The following SLC4A4 variants were observed in gnomAD, a reference collection of about 807,000 sequenced individuals.
The protein encoded by SLC4A4 is electrogenic sodium bicarbonate cotransporter 1.
A neutral mutation model predicts 111.5 loss-of-function variants in SLC4A4; 27 were observed. That is an observed-to-expected ratio of 0.24 (90% confidence interval 0.18 to 0.33). The LOEUF is 0.33. Among genes scored for constraint, SLC4A4 ranks in the 10% least tolerant of loss-of-function variants. The pLI is 1.00. For synonymous variants in SLC4A4, 443 were observed against 463.4 expected, an observed-to-expected ratio of 0.96 and a Z score of 0.57; for missense variants, 909 against 1,315.5, an observed-to-expected ratio of 0.69 and a Z score of 4.78.
chr4:71,437,079 C>T lies in SLC4A4; in HGVS notation c.808-3537C>T, dbSNP rs147010936. On this transcript the variant is annotated intron_variant, in intron 7 of 25. Coordinates refer to ENST00000264485, the MANE Select transcript of SLC4A4 (RefSeq NM_001098484.3). Reference sequence around the variant, plus strand: ...TAACTATCTCATAGCCACAGGCAATCACTTCTTTGTGGACTTTTTCCCACT... The same window carrying T: ...TAACTATCTCATAGCCACAGGCAATTACTTCTTTGTGGACTTTTTCCCACT... 1.4e-5 allele frequency: 6 copies of T among 428,626 alleles called. No homozygotes were observed. In the East Asian group the frequency reaches 4.1e-4, roughly 29 times the overall value. 26.6% of individuals were successfully genotyped at this position (428,626 alleles called of 1,614,324 possible). A position where few individuals can be genotyped will look rare whatever the true frequency, so the allele number is the denominator to read the frequency against.
chr4:71,404,982 T>C (rs1408750026), intron 7 of SLC4A4, among the ~76,000 whole-genome samples: 1 of 151,556 alleles, frequency 6.6e-6, no homozygotes, highest in African/African-American at 2.4e-5. Context: ...TGTGTATATA[T>C]ATATAATTTT....
At chr4:71,281,310 A>G (rs79867735) in intron 3 of SLC4A4, among the ~76,000 whole-genome samples, 5,777 of 152,290 alleles carry the variant, frequency 0.038, 156 homozygotes, top group East Asian at 0.12. Context: ...ATTTAATACA[A>G]TGCTGAACAA....
In SLC4A4 at chr4:71,571,017, G is replaced by C. The variant is rs925403973; in HGVS notation, c.*3266G>C. On this transcript the variant is annotated 3_prime_UTR_variant, in exon 26 of 26. Transcript: ENST00000264485. ...AGAGGAGGAAAAACAGTTGTCTGCTGTCTGTAATTCAGTTTGCGTGTATTT... is the reference window on the plus strand; with the variant it reads ...AGAGGAGGAAAAACAGTTGTCTGCTCTCTGTAATTCAGTTTGCGTGTATTT... 4 of 152,110 alleles carry C rather than the reference G, an allele frequency of 2.6e-5. No homozygotes were observed. The highest frequency in any genetic ancestry group is 2.4e-5 in the African/African-American group (1 of 41,366). 9.4% of individuals were successfully genotyped at this position (152,110 alleles called of 1,614,324 possible). A position where few individuals can be genotyped will look rare whatever the true frequency, so the allele number is the denominator to read the frequency against.
intron 23 of SLC4A4, among the ~76,000 whole-genome samples, chr4:71,561,682 A>G (rs16846599): frequency 0.042 from 6,316 of 151,916 alleles, 278 homozygotes; most frequent in East Asian, 0.21. Context: ...TCCAATGATG[A>G]CAGAAAAAGA....
intron 1 of SLC4A4, among the ~76,000 whole-genome samples, chr4:71,086,483 A>G (rs1322966451): frequency 4.6e-5 from 7 of 152,012 alleles, no homozygotes; most frequent in Non-Finnish European, 7.3e-5. Flanking sequence ...GTCTTGTGCC[A>G]GTTTTCAAAG....
intron 2 of SLC4A4, among the ~76,000 whole-genome samples, chr4:71,135,516 G>A (rs1375260896): frequency 2.6e-5 from 4 of 151,920 alleles, no homozygotes; most frequent in South Asian, 2.1e-4. Context: ...GGCTTCTCTC[G>A]AACTCCTGAC....
At chr4:71,528,585 A>G (rs966704297) in intron 16 of SLC4A4, among the ~76,000 whole-genome samples, 1 of 152,120 alleles carries the variant, frequency 6.6e-6, no homozygotes. Context: ...TTATATAGAC[A>G]TTGATATAGT....
intron 3 of SLC4A4, among the ~76,000 whole-genome samples, chr4:71,270,796 A>G (rs1025362428): frequency 6.6e-6 from 1 of 152,162 alleles, no homozygotes; most frequent in Non-Finnish European, 1.5e-5. Context: ...CTTTCCTTGC[A>G]TGGACCTGGT....
intron 2 of SLC4A4, among the ~76,000 whole-genome samples, chr4:71,142,952 ATTAT>A (rs1227850899): frequency 6.6e-6 from 1 of 150,916 alleles, no homozygotes; most frequent in Non-Finnish European, 1.5e-5. Context: ...CCTTTTTATT[ATTAT>A]TATTATTATA....
intron 7 of SLC4A4, among the ~76,000 whole-genome samples, chr4:71,432,394 C>T (rs1723715998): frequency 6.6e-6 from 1 of 152,122 alleles, no homozygotes; most frequent in South Asian, 2.1e-4. Context: ...CCACACTCTG[C>T]TCTGTGTTAT....
intron 2 of SLC4A4, among the ~76,000 whole-genome samples, chr4:71,152,340 A>G (rs1744331872): frequency 6.6e-6 from 1 of 152,112 alleles, no homozygotes; most frequent in Non-Finnish European, 1.5e-5. Flanking sequence ...AACTTTACAT[A>G]TGTGGAATCA....
At chr4:71,507,424 A>T (rs1322604452) in intron 16 of SLC4A4, among the ~76,000 whole-genome samples, 1 of 152,146 alleles carries the variant, frequency 6.6e-6, no homozygotes, top group East Asian at 1.9e-4. Context: ...TGGAAAACAG[A>T]AAAAAAGCTT....
At chr4:71,069,408 T>G (rs1282946433) in intron 1 of SLC4A4, among the ~76,000 whole-genome samples, 3 of 152,132 alleles carry the variant, frequency 2.0e-5, no homozygotes, top group Non-Finnish European at 4.4e-5. Context: ...CCAAACAGAC[T>G]TGAAAGACGA....
At chr4:71,149,343 A>G (rs1211044444) in intron 2 of SLC4A4, among the ~76,000 whole-genome samples, 1 of 152,152 alleles carries the variant, frequency 6.6e-6, no homozygotes. Flanking sequence ...CCTCCAAATG[A>G]TAGTCTTTTT....
At chr4:71,076,912 C>T (rs1244867399) in intron 1 of SLC4A4, among the ~76,000 whole-genome samples, 1 of 151,748 alleles carries the variant, frequency 6.6e-6, no homozygotes, top group Non-Finnish European at 1.5e-5. Flanking sequence ...ATTGCCTGAG[C>T]CTGGGAGGCA....
chr4:71,215,041 T>C (rs1389021711), intron 1 of SLC4A4, among the ~76,000 whole-genome samples: 2 of 152,252 alleles, frequency 1.3e-5, no homozygotes, highest in East Asian at 3.8e-4. Context: ...ATGTTACTTA[T>C]CTTATTAGCA....
chr4:71,564,771 T>C (rs977140511), intron 24 of SLC4A4, among the ~76,000 whole-genome samples: 3 of 151,938 alleles, frequency 2.0e-5, no homozygotes, highest in Non-Finnish European at 4.4e-5. Context: ...GTTACTGCTA[T>C]CAAGAAAAGT....
chr4:71,203,368 G>A (rs1158054170), intron 1 of SLC4A4, among the ~76,000 whole-genome samples: 1 of 152,116 alleles, frequency 6.6e-6, no homozygotes, highest in South Asian at 2.1e-4. Flanking sequence ...CTTTCACTGC[G>A]TAAGAGATAG....
intron 1 of SLC4A4, among the ~76,000 whole-genome samples, chr4:71,193,592 C>A (rs373035701): frequency 1.3e-5 from 2 of 152,176 alleles, no homozygotes; most frequent in East Asian, 1.9e-4. Flanking sequence ...TACCCCACAT[C>A]CTTACAAAAG....
Sources: allele counts gnomAD v4.1 joint callset (sites outside exome capture counted in the v4.1 genomes callset), GRCh38; gene constraint gnomAD v4.1.1; transcripts MANE v1.5; gene names NCBI Gene and HGNC (gene_info 2026-07-23, HGNC 2026-07-21).